AREL1: variants seen among roughly 807,000 people sequenced by gnomAD.
AREL1 encodes the protein apoptosis resistant E3 ubiquitin protein ligase 1, also known as apoptosis-resistant E3 ubiquitin protein ligase 1.
In AREL1, 62 loss-of-function variants were observed where a neutral mutation model predicts 99.0. The observed-to-expected ratio is 0.63, with a 90% CI of 0.51 to 0.77. The LOEUF (loss-of-function observed/expected upper bound fraction) is 0.77. AREL1 is among the 30% of genes least tolerant of loss of function. AREL1 has a pLI of 0.00. For synonymous variants in AREL1, 380 were observed against 376.5 expected (o/e 1.01, Z -0.11); for missense variants, 879 against 1,027.6 (o/e 0.86, Z 1.98).
intron 1 of AREL1, among the ~76,000 whole-genome samples, chr14:74,698,053 T>C (rs2090010156): frequency 6.6e-6 from 1 of 152,218 alleles, no homozygotes; most frequent in South Asian, 2.1e-4. Flanking sequence ...AATATTTGCA[T>C]GAATTTCTAA....
At position 74,676,694 on chromosome 14, in the gene AREL1, G is replaced by C; in HGVS notation, c.540C>G (p.Thr180=). The part of the protein sequence containing the change: ...IVCHFSTLVL[T]CGQPHTLQIV... ...TTTGAAGGGTGTGCGGCTGCCCACA[G>C]GTCAATACAAGAGTAGAAAAGTGGC... is the stretch of plus-strand genomic sequence containing the variant. Residue 180 remains threonine, a synonymous_variant, in exon 6 of 20, where the codon ACC becomes ACG. Transcript: ENST00000356357. 1 of 1,614,012 alleles carries C rather than the reference G, an allele frequency of 6.2e-7. No homozygotes were observed. Among genetic ancestry groups the C allele is most frequent in the Non-Finnish European group, 8.5e-7 (1 of 1,179,944 alleles).
chr14:74,674,947 A>T (rs184057030), intron 8 of AREL1, among the ~76,000 whole-genome samples: 114 of 152,324 alleles, frequency 7.5e-4, no homozygotes, highest in Admixed American at 2.2e-3. Flanking sequence ...AAAAAAGTTC[A>T]TACAAAAGAG....
intron 5 of AREL1, among the ~76,000 whole-genome samples, chr14:74,678,496 CAA>C (rs112834498): frequency 7.7e-5 from 6 of 78,204 alleles, no homozygotes; most frequent in Non-Finnish European, 5.8e-5. Context: ...GACCCTGCCT[CAA>C]AAAAAAAAAA....
At chr14:74,667,632 G>C (rs766596124) in intron 15 of AREL1, 38 bp from the exon 16 acceptor site, 1 of 1,558,060 alleles carries the variant, frequency 6.4e-7, no homozygotes, top group Non-Finnish European at 8.7e-7. Flanking sequence ...GGGAGAGGCT[G>C]TGGATGGAAA....
chr14:74,708,959 C>T (rs2090232734), intron 1 of AREL1, among the ~76,000 whole-genome samples: 1 of 152,160 alleles, frequency 6.6e-6, no homozygotes, highest in African/African-American at 2.4e-5. Flanking sequence ...CTCAGGCATG[C>T]GTGTGTGTAC....
intron 1 of AREL1, among the ~76,000 whole-genome samples, chr14:74,694,502 A>T (rs1029604748): frequency 3.9e-5 from 6 of 152,220 alleles, no homozygotes; most frequent in African/African-American, 1.4e-4. Flanking sequence ...AAATATTAAT[A>T]GTGATCATCT....
chr14:74,673,198 G>T lies in AREL1; in HGVS notation c.1179C>A (p.Asp393Glu). ...PGTKFSYLGP[D>E]PVHKLLTLVV... ...CCAGTGTGAGCAGCTTATGGACAGG[G>T]TCAGGACCAAGGTATGAAAACTGGT... is the stretch of plus-strand genomic sequence containing the variant. The change falls in exon 10 of 20, where the codon GAC becomes GAA. Residue 393 changes from aspartate to glutamate, a missense_variant. Asp to Glu is a conservative substitution (Grantham distance 45, BLOSUM62 2). Coordinates refer to ENST00000356357, the MANE Select transcript of AREL1 (RefSeq NM_001039479.2). 1 of 1,614,124 alleles carries T rather than the reference G, an allele frequency of 6.2e-7. No individual in the cohort carries two copies. The highest frequency in any genetic ancestry group is 8.5e-7 in the Non-Finnish European group (1 of 1,180,040).
intron 8 of AREL1, among the ~76,000 whole-genome samples, chr14:74,674,614 A>G (rs1313353815): frequency 6.6e-6 from 1 of 152,056 alleles, no homozygotes; most frequent in East Asian, 1.9e-4. Flanking sequence ...AAAATAAAAT[A>G]AATAAAAAAA....
In AREL1 at chr14:74,712,074, A is replaced by AAAAG. The variant is rs68150668; in HGVS notation, c.-334+855_-334+858dup. ...AAAAAAAAAAAAAAAAAAAGAAAAA[A>AAAAG]AAAGAAAGAAAGAAAGAAAGAAAAA... On this transcript the variant is annotated intron_variant, in intron 1 of 19. Transcript: ENST00000356357. 1.2e-4 allele frequency: 14 copies of AAAAG among 120,228 alleles called. 1 individual carries two copies. The highest frequency in any genetic ancestry group is 8.5e-4 in the Admixed American group (9 of 10,598). The allele number at this position is 120,228 out of a possible 1,614,324, so 7.4% of individuals were successfully genotyped here.
At chr14:74,675,988 G>C in intron 7 of AREL1, 42 bp from the exon 8 acceptor site, 5 of 1,539,544 alleles carry the variant, frequency 3.2e-6, no homozygotes, top group Non-Finnish European at 3.5e-6. Flanking sequence ...AGAAGTCAGA[G>C]AAGAAAAAAA....
chr14:74,711,668 T>C (rs1398487308), intron 1 of AREL1, among the ~76,000 whole-genome samples: 1 of 152,164 alleles, frequency 6.6e-6, no homozygotes, highest in African/African-American at 2.4e-5. Context: ...TTTACACTCT[T>C]CTAGGGACCT....
In AREL1 at chr14:74,705,747, T is replaced by C. The variant is rs969618336; in HGVS notation, c.-334+7186A>G. 5.3e-5 allele frequency among the ~76,000 whole-genome samples: 8 copies of C among 152,294 alleles called. No individual in the cohort carries two copies. In the East Asian group the frequency reaches 1.5e-3, roughly 29 times the overall value. On this transcript the variant is annotated intron_variant, in intron 1 of 19. Transcript: ENST00000356357. Reference sequence around the variant, plus strand: ...GTAATTCTGCATTTCTTAATTCAGTTTGGATTCTCTCTATTGCACCATTCT... The same window carrying C: ...GTAATTCTGCATTTCTTAATTCAGTCTGGATTCTCTCTATTGCACCATTCT...
chr14:74,708,064 C>G (rs1390732610), intron 1 of AREL1, among the ~76,000 whole-genome samples: 2 of 151,736 alleles, frequency 1.3e-5, no homozygotes, highest in African/African-American at 4.8e-5. Context: ...CTTGTGAAAT[C>G]CAAATAAAGT....
intron 5 of AREL1, among the ~76,000 whole-genome samples, chr14:74,680,234 A>G (rs191841452): frequency 6.6e-6 from 1 of 152,248 alleles, no homozygotes. Context: ...AAAAGAAAAG[A>G]AAATGGACAA....
rs905878299 is a variant in AREL1 at position 74,673,909 on chromosome 14, C to T, written c.1158+125G>A. On this transcript the variant is annotated intron_variant, in intron 9 of 19. Coordinates refer to ENST00000356357, the MANE Select transcript of AREL1 (RefSeq NM_001039479.2). The stretch of plus-strand genomic sequence containing the variant: ...GAGATAATGATGCTTTATTTGGCAA[C>T]GAATCCTGTGTACACTGTGAGATCT... The T allele has an allele frequency of 2.5e-5, 18 of 717,356 alleles. No homozygotes were observed. In the East Asian group the frequency reaches 3.4e-4, roughly 14 times the overall value. The allele number at this position is 717,356 out of a possible 1,614,324, so 44.4% of individuals were successfully genotyped here. A position where few individuals can be genotyped will look rare whatever the true frequency, so the allele number is the denominator to read the frequency against.
At chr14:74,677,400 G>A (rs537831188) in intron 5 of AREL1, among the ~76,000 whole-genome samples, 1 of 151,964 alleles carries the variant, frequency 6.6e-6, no homozygotes, top group Non-Finnish European at 1.5e-5. Context: ...GGAAGCTAAG[G>A]CAAGAGGATC....
rs2089455099 is a variant in AREL1, at chr14:74,675,741, C to G, written c.1038G>C (p.Lys346Asn). The change falls in exon 8 of 20, where the codon AAG (lysine) becomes AAC (asparagine). Residue 346 changes from lysine to asparagine, a missense_variant. Transcript: ENST00000356357. Reference sequence around the variant, plus strand: ...AGTACACCTTCTTCGGTTTCTTCACCTTCTCAGGGGTGTGGCACTCAGAGG... The same window carrying G: ...AGTACACCTTCTTCGGTTTCTTCACGTTCTCAGGGGTGTGGCACTCAGAGG... ...DSPSECHTPE[K>N]VKKPKKVYCY... The G allele has an allele frequency of 6.2e-7, 1 of 1,614,004 alleles. No homozygotes were observed. Among genetic ancestry groups the G allele is most frequent in the South Asian group, 1.1e-5 (1 of 91,082 alleles).
At chr14:74,682,876 A>G (rs544669092) in intron 5 of AREL1, among the ~76,000 whole-genome samples, 19 of 152,366 alleles carry the variant, frequency 1.2e-4, no homozygotes, top group African/African-American at 4.6e-4. Flanking sequence ...AGGCCTCACC[A>G]GAAGCAGATG....
intron 1 of AREL1, among the ~76,000 whole-genome samples, chr14:74,705,536 C>T (rs1485215892): frequency 6.6e-6 from 1 of 152,156 alleles, no homozygotes; most frequent in Non-Finnish European, 1.5e-5. Flanking sequence ...AGAACATGCA[C>T]CTTGAAGTTA....
Sources: allele counts gnomAD v4.1 joint callset (sites outside exome capture counted in the v4.1 genomes callset), GRCh38; gene constraint gnomAD v4.1.1; transcripts MANE v1.5; gene names NCBI Gene and HGNC (gene_info 2026-07-23, HGNC 2026-07-21).